EDIL3: variants seen among roughly 807,000 people sequenced by gnomAD.
EDIL3 encodes EGF like and discoidin domains 3.
A neutral mutation model predicts 67.4 loss-of-function variants in EDIL3; 37 were observed. That is an observed-to-expected ratio of 0.55 (90% CI 0.42 to 0.72). The LOEUF (loss-of-function observed/expected upper bound fraction) is 0.72. EDIL3 is among the 30% of genes least tolerant of loss of function. EDIL3 has a pLI of 0.00. For synonymous variants in EDIL3, 195 were observed against 196.3 expected, an observed-to-expected ratio of 0.99 and a Z score of 0.05; for missense variants, 527 against 586.3, an observed-to-expected ratio of 0.90 and a Z score of 1.04.
At chr5:84,004,046 A>G (rs1244499575) in intron 9 of EDIL3, among the ~76,000 whole-genome samples, 1 of 152,142 alleles carries the variant, frequency 6.6e-6, no homozygotes, top group Non-Finnish European at 1.5e-5. Flanking sequence ...GACAAAACAG[A>G]CATTAAACCA....
chr5:84,375,188 T>A (rs1747942253), intron 1 of EDIL3, among the ~76,000 whole-genome samples: 1 of 152,116 alleles, frequency 6.6e-6, no homozygotes, highest in Non-Finnish European at 1.5e-5. Context: ...GCCAGGATGG[T>A]CTCGATCTCT....
chr5:84,096,367 G>T (rs1381865528), intron 6 of EDIL3, among the ~76,000 whole-genome samples: 1 of 152,172 alleles, frequency 6.6e-6, no homozygotes, highest in Non-Finnish European at 1.5e-5. Flanking sequence ...CAAGACCATG[G>T]GAACCCACCT....
chr5:84,090,498 G>A (rs984772724), intron 6 of EDIL3, among the ~76,000 whole-genome samples: 3 of 152,036 alleles, frequency 2.0e-5, no homozygotes, highest in Non-Finnish European at 2.9e-5. Flanking sequence ...GTATCTGCCC[G>A]TTATGTGTTC....
intron 1 of EDIL3, among the ~76,000 whole-genome samples, chr5:84,285,173 T>C (rs1434474478): frequency 2.0e-5 from 3 of 152,230 alleles, no homozygotes; most frequent in Non-Finnish European, 4.4e-5. Context: ...AAAAAAATCA[T>C]GAACACTTAC....
intron 1 of EDIL3, among the ~76,000 whole-genome samples, chr5:84,303,327 A>T (rs1746196635): frequency 6.6e-6 from 1 of 152,204 alleles, no homozygotes; most frequent in African/African-American, 2.4e-5. Context: ...TAGCAGAACT[A>T]GAGAACCGAG....
chr5:84,350,249 C>T (rs984980864), intron 1 of EDIL3, among the ~76,000 whole-genome samples: 31 of 152,104 alleles, frequency 2.0e-4, no homozygotes, highest in Non-Finnish European at 3.8e-4. Flanking sequence ...ATGCCTCCAG[C>T]AATCCATGCC....
chr5:84,052,112 C>T (rs553988119), intron 9 of EDIL3, among the ~76,000 whole-genome samples: 2 of 152,182 alleles, frequency 1.3e-5, no homozygotes, highest in Non-Finnish European at 2.9e-5. Flanking sequence ...GCGGATCTCT[C>T]GGCAGAAACT....
At chr5:84,166,024 T>C (rs897034028) in intron 4 of EDIL3, among the ~76,000 whole-genome samples, 3 of 152,186 alleles carry the variant, frequency 2.0e-5, no homozygotes, top group Non-Finnish European at 4.4e-5. Context: ...CTCCTTTGCA[T>C]ACTAAACTCT....
intron 4 of EDIL3, among the ~76,000 whole-genome samples, chr5:84,156,685 A>G (rs911883633): frequency 9.9e-5 from 15 of 152,064 alleles, no homozygotes; most frequent in Non-Finnish European, 5.9e-5. Context: ...TCTTATCACT[A>G]TCACTATCTC....
At chr5:84,208,168 C>T (rs1457965421) in intron 3 of EDIL3, among the ~76,000 whole-genome samples, 1 of 152,074 alleles carries the variant, frequency 6.6e-6, no homozygotes, top group Non-Finnish European at 1.5e-5. Flanking sequence ...GGCTAATATC[C>T]AGAATCTACA....
intron 2 of EDIL3, among the ~76,000 whole-genome samples, chr5:84,253,522 A>T (rs1277285802): frequency 2.6e-5 from 4 of 152,182 alleles, no homozygotes; most frequent in African/African-American, 7.2e-5. Context: ...CAGATTTTTT[A>T]AAAAACTATT....
chr5:84,324,927 T>TAAA (rs36022918), intron 1 of EDIL3, among the ~76,000 whole-genome samples: 19 of 149,032 alleles, frequency 1.3e-4, no homozygotes, highest in African/African-American at 9.8e-5. Context: ...TTCTCCTGAT[T>TAAA]AAAAAAAAAA....
chr5:83,977,360 A>G (rs1172146449), intron 9 of EDIL3, among the ~76,000 whole-genome samples: 5 of 151,862 alleles, frequency 3.3e-5, no homozygotes, highest in Admixed American at 2.0e-4. Flanking sequence ...ATATTCTATT[A>G]AAGACTTCTA....
intron 3 of EDIL3, among the ~76,000 whole-genome samples, chr5:84,184,498 T>G (rs896502467): frequency 6.6e-6 from 1 of 152,344 alleles, no homozygotes; most frequent in South Asian, 2.1e-4. Context: ...TTTGCACAGA[T>G]GCTATGTGAA....
chr5:84,037,731 C>T (rs577366183), intron 9 of EDIL3, among the ~76,000 whole-genome samples: 7 of 152,100 alleles, frequency 4.6e-5, no homozygotes, highest in African/African-American at 7.2e-5. Context: ...AGTTGAATAA[C>T]GGGAAGAACA....
intron 9 of EDIL3, among the ~76,000 whole-genome samples, chr5:84,032,711 C>G (rs916170777): frequency 6.6e-6 from 1 of 152,126 alleles, no homozygotes; most frequent in African/African-American, 2.4e-5. Context: ...TGACCTTTGG[C>G]CACTGCTACT....
intron 9 of EDIL3, among the ~76,000 whole-genome samples, chr5:83,980,476 A>C (rs1331429015): frequency 1.3e-5 from 2 of 151,678 alleles, no homozygotes; most frequent in African/African-American, 4.8e-5. Context: ...GCAGATCACA[A>C]GGCCAAGAGA....
chr5:84,002,426 A>T (rs1745347604), intron 9 of EDIL3, among the ~76,000 whole-genome samples: 1 of 152,234 alleles, frequency 6.6e-6, no homozygotes, highest in Admixed American at 6.5e-5. Flanking sequence ...CAGTACTAGC[A>T]GTCCTAGCTA....
chr5:84,114,148 G>GTTTTT (rs918208407), intron 5 of EDIL3, among the ~76,000 whole-genome samples: 13 of 109,838 alleles, frequency 1.2e-4, no homozygotes, highest in African/African-American at 1.8e-4. Flanking sequence ...GAACCCTAAA[G>GTTTTT]TTTTTTTTTT....
Sources: gnomAD v4.1 joint callset for allele counts (sites outside exome capture counted in the v4.1 genomes callset) on GRCh38, gnomAD v4.1.1 for gene constraint, MANE v1.5 for transcripts, NCBI Gene and HGNC (gene_info 2026-07-23, HGNC 2026-07-21) for gene names.